The following SPTLC1 variants were observed in gnomAD, a reference collection of about 807,000 sequenced individuals.
SPTLC1 encodes the protein serine palmitoyltransferase long chain base subunit 1.
A neutral mutation model predicts 68.9 loss-of-function variants in SPTLC1; 55 were observed. That is an observed-to-expected ratio of 0.80 (90% CI 0.64 to 1.00). The LOEUF is 1.00. SPTLC1 is among the 50% of genes least tolerant of loss of function. SPTLC1 has a pLI of 0.00. For missense variants in SPTLC1, 449 were observed against 573.1 expected (o/e 0.78, Z 2.21); for synonymous variants, 197 against 201.6 (o/e 0.98, Z 0.19).
intron 3 of SPTLC1, among the ~76,000 whole-genome samples, chr9:92,085,884 T>C (rs1173604849): frequency 6.6e-6 from 1 of 151,940 alleles, no homozygotes; most frequent in Non-Finnish European, 1.5e-5. Context: ...TCTAAGTCTC[T>C]TTGTAGGTCA....
intron 2 of SPTLC1, 184 bp from the exon 3 acceptor site, chr9:92,109,018 C>A: frequency 1.2e-6 from 1 of 837,686 alleles, no homozygotes; most frequent in Non-Finnish European, 1.8e-6. Flanking sequence ...ACATAATGAC[C>A]CACCAGACAC....
intron 2 of SPTLC1, chr9:92,111,405 A>T (rs1836237763): frequency 6.6e-6 from 1 of 152,212 alleles, no homozygotes; most frequent in African/African-American, 2.4e-5. Context: ...TTACTAATCA[A>T]GAACTATTAA....
At chr9:92,041,563 C>T (rs963801776) in intron 12 of SPTLC1, among the ~76,000 whole-genome samples, 9 of 152,178 alleles carry the variant, frequency 5.9e-5, no homozygotes, top group African/African-American at 1.9e-4. Flanking sequence ...TCTGAAGAAA[C>T]GATCAAGCCT....
chr9:92,070,657 C>A (rs1834445675), intron 5 of SPTLC1, among the ~76,000 whole-genome samples: 1 of 152,116 alleles, frequency 6.6e-6, no homozygotes, highest in African/African-American at 2.4e-5. Flanking sequence ...CAGCCCTGGG[C>A]AGCCTTGGTG....
intron 10 of SPTLC1, 99 bp downstream of exon 10, chr9:92,047,514 G>T: frequency 3.6e-6 from 3 of 831,090 alleles, no homozygotes; most frequent in Non-Finnish European, 6.0e-6. Context: ...AAAATTGTGT[G>T]ATAAACTAAG....
At chr9:92,087,637 G>T (rs1215676035) in intron 3 of SPTLC1, among the ~76,000 whole-genome samples, 1 of 152,186 alleles carries the variant, frequency 6.6e-6, no homozygotes, top group African/African-American at 2.4e-5. Flanking sequence ...GCCGTGTGAG[G>T]TGTCAGTCTG....
chr9:92,088,336 C>T (rs1835235755), intron 3 of SPTLC1, among the ~76,000 whole-genome samples: 2 of 152,250 alleles, frequency 1.3e-5, no homozygotes, highest in South Asian at 2.1e-4. Flanking sequence ...CCGTCTTCTG[C>T]GTCGCTCACG....
chr9:92,038,378 A>AAC lies in SPTLC1; in HGVS notation c.1137-15_1137-14dup, dbSNP rs147137401. 5.4e-3 allele frequency: 8,131 copies of AAC among 1,518,190 alleles called. 343 individuals carry two copies. The African/African-American group carries it at 0.097, about 18-fold the overall frequency. The allele number at this position is 1,518,190 out of a possible 1,614,324, so 94.0% of individuals were successfully genotyped here. A position where few individuals can be genotyped will look rare whatever the true frequency, so the allele number is the denominator to read the frequency against. On this transcript the variant is annotated splice_polypyrimidine_tract_variant and intron_variant, in intron 12 of 14. Coordinates refer to ENST00000262554, the MANE Select transcript of SPTLC1 (RefSeq NM_006415.4). The stretch of plus-strand genomic sequence containing the variant: ...TAATCCAGAAATGCTGAAGAAGGGA[A>AAC]ACACACACACAGCTGTAAGTCCCTT...
At chr9:92,039,559 T>G (rs1833269670) in intron 12 of SPTLC1, among the ~76,000 whole-genome samples, 1 of 152,206 alleles carries the variant, frequency 6.6e-6, no homozygotes, top group Non-Finnish European at 1.5e-5. Flanking sequence ...TTATTTGACT[T>G]TTGACCTACC....
intron 10 of SPTLC1, 72 bp downstream of exon 10, chr9:92,047,540 CA>C (rs1348388388): frequency 3.3e-5 from 35 of 1,058,142 alleles, no homozygotes; most frequent in Non-Finnish European, 4.7e-5. Flanking sequence ...TTTCGTATTT[CA>C]AAATTATATT....
chr9:92,088,782 G>T (rs773822965), intron 3 of SPTLC1, among the ~76,000 whole-genome samples: 2 of 152,162 alleles, frequency 1.3e-5, no homozygotes, highest in Non-Finnish European at 2.9e-5. Context: ...CAAAGTTTCC[G>T]GTGAGAAATG....
At chr9:92,039,687 TA>T (rs1335909371) in intron 12 of SPTLC1, among the ~76,000 whole-genome samples, 1 of 152,146 alleles carries the variant, frequency 6.6e-6, no homozygotes, top group East Asian at 1.9e-4. Flanking sequence ...GAAATGACAA[TA>T]AAAAGTACTA....
intron 6 of SPTLC1, among the ~76,000 whole-genome samples, chr9:92,061,391 ATAACCAGCAAAAATATCCTT>A (rs1167582067): frequency 2.6e-5 from 4 of 152,246 alleles, no homozygotes; most frequent in Non-Finnish European, 5.9e-5. Flanking sequence ...CCAGAATCCT[ATAACCAGCAAAAATATCCTT>A]TAGGAATGAA....
intron 1 of SPTLC1, 147 bp downstream of exon 1, chr9:92,115,167 C>T (rs1836404692): frequency 1.3e-6 from 1 of 750,484 alleles, no homozygotes; most frequent in Non-Finnish European, 2.3e-6. Context: ...GGACTAGAAG[C>T]TCCCGGCAGT....
At position 92,038,287 on chromosome 9, in the gene SPTLC1, G is replaced by C. The variant is rs376931202; in HGVS notation, c.1215C>G (p.Arg405=). Residue 405 remains arginine, a synonymous_variant, in exon 13 of 15, where the codon CGC becomes CGG. Transcript: ENST00000262554. ...CCTGAAGCAGTCTGACATCTTGCTC[G>C]CGAGACCCAGTGCTCTCTTCCAGTT... ...HLQLEESTGS[R]EQDVRLLQEI... is the part of the protein sequence containing the mutation. 2.5e-6 allele frequency: 4 copies of C among 1,613,940 alleles called. No homozygotes were observed. The highest frequency in any genetic ancestry group is 3.4e-6 in the Non-Finnish European group (4 of 1,179,926).
chr9:92,055,499 A>T lies in SPTLC1; in HGVS notation c.691-5T>A. 9.3e-6 allele frequency: 15 copies of T among 1,612,096 alleles called. No homozygotes were observed. The African/African-American group carries it at 1.8e-4, about 19-fold the overall frequency. On this transcript the variant is annotated splice_polypyrimidine_tract_variant and splice_region_variant and intron_variant, in intron 7 of 14. Coordinates refer to ENST00000262554, the MANE Select transcript of SPTLC1 (RefSeq NM_006415.4). ...TACACGAGCCTTGCGAGGATTCTTTAAAAGAGAAAAAGCAGACATCTTACA... is the reference window on the plus strand; with the variant it reads ...TACACGAGCCTTGCGAGGATTCTTTTAAAGAGAAAAAGCAGACATCTTACA...
intron 7 of SPTLC1, among the ~76,000 whole-genome samples, chr9:92,056,670 C>T (rs1297922942): frequency 6.6e-6 from 1 of 152,196 alleles, no homozygotes; most frequent in Non-Finnish European, 1.5e-5. Flanking sequence ...TTTGCCATTA[C>T]CTTCTTACTC....
At chr9:92,059,078 G>A in intron 7 of SPTLC1, 101 bp downstream of exon 7, 2 of 1,394,758 alleles carry the variant, frequency 1.4e-6, no homozygotes, top group Non-Finnish European at 2.0e-6. Flanking sequence ...ATCCAAATGT[G>A]ATCCACAGGC....
chr9:92,032,620 G>A (rs1833007369), intron 14 of SPTLC1, 62 bp from the exon 15 acceptor site: 11 of 1,607,434 alleles, frequency 6.8e-6, no homozygotes, highest in Admixed American at 1.7e-5. Flanking sequence ...GCTCACGCCT[G>A]TAATCCCAGC....
Sources: allele counts gnomAD v4.1 joint callset (sites outside exome capture counted in the v4.1 genomes callset), GRCh38; gene constraint gnomAD v4.1.1; transcripts MANE v1.5; gene names NCBI Gene and HGNC (gene_info 2026-07-23, HGNC 2026-07-21).